Variants in ALCAM observed in about 807,000 individuals in gnomAD.
The protein encoded by ALCAM is activated leukocyte cell adhesion molecule, also known as CD166 antigen.
A neutral mutation model predicts 70.9 loss-of-function variants in ALCAM; 30 were observed. That is an observed-to-expected ratio of 0.42 (90% CI 0.32 to 0.57). The LOEUF is 0.57. Among genes scored for constraint, ALCAM ranks in the 20% least tolerant of loss-of-function variants. The probability of loss-of-function intolerance (pLI) is 0.11; values close to 1 mark genes in which losing one functional copy is unlikely to be tolerated. For synonymous variants in ALCAM, 249 were observed against 242.5 expected (o/e 1.03, Z -0.25); for missense variants, 591 against 695.1 (o/e 0.85, Z 1.68).
At chr3:105,391,891 A>G (rs1935827030) in intron 1 of ALCAM, among the ~76,000 whole-genome samples, 1 of 152,034 alleles carries the variant, frequency 6.6e-6, no homozygotes, top group Non-Finnish European at 1.5e-5. Context: ...TGTTTTATGT[A>G]TGTTGAACCA....
intron 1 of ALCAM, among the ~76,000 whole-genome samples, chr3:105,436,526 A>G (rs1055467956): frequency 1.3e-5 from 2 of 151,664 alleles, no homozygotes; most frequent in African/African-American, 4.8e-5. Flanking sequence ...ATGGGGTTTC[A>G]CCGTATTAGC....
intron 1 of ALCAM, among the ~76,000 whole-genome samples, chr3:105,388,942 CTT>C (rs1222328049): frequency 6.6e-6 from 1 of 151,442 alleles, no homozygotes; most frequent in Non-Finnish European, 1.5e-5. Flanking sequence ...AAACAAGTAA[CTT>C]AAGTGGTGGG....
chr3:105,413,797 A>G (rs1449833318), intron 1 of ALCAM, among the ~76,000 whole-genome samples: 1 of 152,154 alleles, frequency 6.6e-6, no homozygotes, highest in Non-Finnish European at 1.5e-5. Context: ...TAAATAATGC[A>G]AAATAAGGTA....
chr3:105,459,588 T>C (rs1937576499), intron 1 of ALCAM, among the ~76,000 whole-genome samples: 1 of 152,084 alleles, frequency 6.6e-6, no homozygotes, highest in African/African-American at 2.4e-5. Context: ...AATTGCCTTC[T>C]ACCTTCCCTT....
At chr3:105,554,447 T>C (rs1333072278) in intron 14 of ALCAM, among the ~76,000 whole-genome samples, 1 of 151,920 alleles carries the variant, frequency 6.6e-6, no homozygotes. Flanking sequence ...GCAATCTGCT[T>C]TACTTAGCCT....
At chr3:105,378,730 C>A (rs1935440146) in intron 1 of ALCAM, among the ~76,000 whole-genome samples, 1 of 150,854 alleles carries the variant, frequency 6.6e-6, no homozygotes, top group Non-Finnish European at 1.5e-5. Flanking sequence ...TAAAACAAAA[C>A]CTTTATCCAC....
At chr3:105,496,765 G>C (rs946297418) in intron 1 of ALCAM, among the ~76,000 whole-genome samples, 14 of 151,650 alleles carry the variant, frequency 9.2e-5, no homozygotes, top group Non-Finnish European at 1.9e-4. Flanking sequence ...CCATCCTGAA[G>C]AAATTACTTC....
intron 1 of ALCAM, among the ~76,000 whole-genome samples, chr3:105,472,532 T>C (rs1217883214): frequency 6.6e-6 from 1 of 151,538 alleles, no homozygotes; most frequent in Non-Finnish European, 1.5e-5. Flanking sequence ...CTTAAGTGTA[T>C]GTAACTCATT....
intron 3 of ALCAM, among the ~76,000 whole-genome samples, chr3:105,527,486 T>A (rs1164446407): frequency 6.6e-6 from 1 of 152,146 alleles, no homozygotes; most frequent in Non-Finnish European, 1.5e-5. Flanking sequence ...GCTAGGATCT[T>A]GTTCATGAGT....
At chr3:105,402,938 C>CTTCTTTTTTTTTTTTTTTTTTTTT (rs1936124536) in intron 1 of ALCAM, among the ~76,000 whole-genome samples, 1 of 117,254 alleles carries the variant, frequency 8.5e-6, no homozygotes. Flanking sequence ...AGCTGATGCG[C>CTTCTTTTTTTTTTTTTTTTTTTTT]TTTTTTTTTT....
At chr3:105,443,868 C>G (rs1158110875) in intron 1 of ALCAM, among the ~76,000 whole-genome samples, 1 of 152,056 alleles carries the variant, frequency 6.6e-6, no homozygotes, top group Non-Finnish European at 1.5e-5. Context: ...TTCATTCAAT[C>G]CACACCCAAT....
At chr3:105,512,607 T>A (rs1424319617) in intron 1 of ALCAM, among the ~76,000 whole-genome samples, 3 of 151,932 alleles carry the variant, frequency 2.0e-5, no homozygotes, top group Non-Finnish European at 4.4e-5. Context: ...ATATTTCAAA[T>A]ATAAGTTTCT....
At chr3:105,448,741 C>T (rs1312051461) in intron 1 of ALCAM, among the ~76,000 whole-genome samples, 2 of 152,164 alleles carry the variant, frequency 1.3e-5, no homozygotes, top group East Asian at 1.9e-4. Context: ...TGCCCTTCCC[C>T]CATGAAGCTA....
intron 1 of ALCAM, among the ~76,000 whole-genome samples, chr3:105,431,583 A>G (rs1320128740): frequency 1.3e-5 from 2 of 152,108 alleles, no homozygotes; most frequent in African/African-American, 4.8e-5. Flanking sequence ...GTGGGGAAAT[A>G]GACTGTAACT....
intron 1 of ALCAM, among the ~76,000 whole-genome samples, chr3:105,450,930 A>G (rs73183187): frequency 0.15 from 22,613 of 152,092 alleles, 1,788 homozygotes; most frequent in Middle Eastern, 0.19. Flanking sequence ...AATGACGTAG[A>G]GTTTTAATTA....
intron 1 of ALCAM, among the ~76,000 whole-genome samples, chr3:105,414,393 T>C (rs769243420): frequency 4.6e-5 from 7 of 151,860 alleles, no homozygotes; most frequent in Admixed American, 6.6e-5. Context: ...TCAGCCTGGG[T>C]AACAGAGCAA....
intron 3 of ALCAM, among the ~76,000 whole-genome samples, chr3:105,529,498 C>T (rs1227754017): frequency 1.3e-5 from 2 of 152,090 alleles, no homozygotes; most frequent in African/African-American, 4.8e-5. Flanking sequence ...AAGAAAATTA[C>T]ATTCAAGATA....
At chr3:105,562,807 C>A (rs1417371906) in intron 14 of ALCAM, among the ~76,000 whole-genome samples, 1 of 151,910 alleles carries the variant, frequency 6.6e-6, no homozygotes, top group Admixed American at 6.6e-5. Context: ...TTAATTAATT[C>A]ATTTTTTTTC....
chr3:105,401,706 C>T (rs1393769651), intron 1 of ALCAM, among the ~76,000 whole-genome samples: 1 of 151,970 alleles, frequency 6.6e-6, no homozygotes, highest in Non-Finnish European at 1.5e-5. Flanking sequence ...GTAAAGTTGC[C>T]ACCCCCATAG....
Sources: allele counts gnomAD v4.1 joint callset (sites outside exome capture counted in the v4.1 genomes callset), GRCh38; gene constraint gnomAD v4.1.1; transcripts MANE v1.5; gene names NCBI Gene and HGNC (gene_info 2026-07-23, HGNC 2026-07-21).